Variants in ADCY2 observed in about 807,000 individuals in gnomAD.
The protein encoded by ADCY2 is adenylate cyclase 2.
In ADCY2, 31 loss-of-function variants were observed where a neutral mutation model predicts 125.2. The observed-to-expected ratio is 0.25, with a 90% CI of 0.19 to 0.33. The LOEUF (loss-of-function observed/expected upper bound fraction) is 0.33. ADCY2 is among the 10% of genes least tolerant of loss of function. The pLI is 1.00. For synonymous variants in ADCY2, 512 were observed against 548.4 expected (o/e 0.93, Z 0.93); for missense variants, 904 against 1,418.2 (o/e 0.64, Z 5.82).
At chr5:7,551,058 CTTCT>C (rs1341825093) in intron 3 of ADCY2, among the ~76,000 whole-genome samples, 2 of 140,826 alleles carry the variant, frequency 1.4e-5, no homozygotes, top group African/African-American at 5.2e-5. Flanking sequence ...TCCTTCCTTC[CTTCT>C]CTTTTTCCTT....
rs1739075893 is a variant in ADCY2 at position 7,396,997 on chromosome 5, T to A, written c.210+491T>A. Among the ~76,000 whole-genome samples, 1 of 152,222 alleles carries A rather than the reference T, an allele frequency of 6.6e-6. No homozygotes were observed. Among genetic ancestry groups the A allele is most frequent in the African/African-American group, 2.4e-5 (1 of 41,464 alleles). ...AGAAAGCCTGCCTTGGGAAAGTGGT[T>A]AATGACAAGGAAAATGAAGAAGAAA... is the stretch of plus-strand genomic sequence containing the variant. On this transcript the variant is annotated intron_variant, in intron 1 of 24. Coordinates refer to ENST00000338316, the MANE Select transcript of ADCY2 (RefSeq NM_020546.3). This position sits in a 1 kb window ranked among gnomAD's most constrained non-coding sequence, Gnocchi z 5.7.
At chr5:7,458,026 T>C (rs1741763262) in intron 2 of ADCY2, among the ~76,000 whole-genome samples, 1 of 152,194 alleles carries the variant, frequency 6.6e-6, no homozygotes, top group South Asian at 2.1e-4. Flanking sequence ...AATGTATTAT[T>C]CTAAATGATG....
intron 4 of ADCY2, among the ~76,000 whole-genome samples, chr5:7,672,237 A>G (rs1739960738): frequency 6.6e-6 from 1 of 152,250 alleles, no homozygotes; most frequent in African/African-American, 2.4e-5. Context: ...TGTAAAGTAC[A>G]ACATGTTAAG....
chr5:7,744,877 T>C (rs1340181456), intron 15 of ADCY2, among the ~76,000 whole-genome samples: 1 of 152,218 alleles, frequency 6.6e-6, no homozygotes, highest in East Asian at 1.9e-4. Context: ...CAGACTACAG[T>C]CTAGATATTT....
chr5:7,572,781 C>T (rs1736105679), intron 3 of ADCY2, among the ~76,000 whole-genome samples: 1 of 152,116 alleles, frequency 6.6e-6, no homozygotes, highest in Admixed American at 6.6e-5. Flanking sequence ...ACATTTAAGT[C>T]TTTATTCCAT....
chr5:7,736,888 G>T (rs1560924620), intron 14 of ADCY2, among the ~76,000 whole-genome samples: 1 of 151,962 alleles, frequency 6.6e-6, no homozygotes. Context: ...TTAATTGAAG[G>T]CCAATATAAT....
intron 16 of ADCY2, among the ~76,000 whole-genome samples, chr5:7,759,370 C>T (rs1743120076): frequency 6.6e-6 from 1 of 152,194 alleles, no homozygotes. Context: ...GCCTCCAGAG[C>T]AGCTAGTTCA....
intron 3 of ADCY2, among the ~76,000 whole-genome samples, chr5:7,619,771 C>T (rs1561128598): frequency 6.6e-6 from 1 of 152,116 alleles, no homozygotes; most frequent in African/African-American, 2.4e-5. Flanking sequence ...ATCTTCATGG[C>T]TTGTGTTGTT....
chr5:7,412,541 C>A lies in ADCY2; in HGVS notation c.211-2032C>A, dbSNP rs147804743. ...CTCGCAGCCTGGCAGACACCTAATA[C>A]CCTTTTGCAGCAATTGTAAACTGTG... On this transcript the variant is annotated intron_variant, in intron 1 of 24. Transcript: ENST00000338316. 2.9e-3 allele frequency among the ~76,000 whole-genome samples: 435 copies of A among 152,312 alleles called. 1 individual carries two copies. Among genetic ancestry groups the A allele is most frequent in the African/African-American group, 0.01 (420 of 41,568 alleles).
At chr5:7,766,136 AT>A (rs1327021092) in intron 16 of ADCY2, among the ~76,000 whole-genome samples, 1 of 152,064 alleles carries the variant, frequency 6.6e-6, no homozygotes, top group African/African-American at 2.4e-5. Context: ...ATCCTTTTAA[AT>A]TTTTCACCCC....
intron 2 of ADCY2, among the ~76,000 whole-genome samples, chr5:7,520,307 G>C (rs1744395293): frequency 2.0e-5 from 3 of 152,060 alleles, no homozygotes; most frequent in Admixed American, 6.6e-5. Context: ...AACTCCCCTT[G>C]ATGACACCTG....
At chr5:7,786,768 C>A (rs1744096943) in intron 19 of ADCY2, among the ~76,000 whole-genome samples, 1 of 152,146 alleles carries the variant, frequency 6.6e-6, no homozygotes, top group Non-Finnish European at 1.5e-5. Flanking sequence ...GTCTACATGA[C>A]CTCAAAATGA....
chr5:7,535,650 T>C (rs905284410), intron 3 of ADCY2, among the ~76,000 whole-genome samples: 2 of 152,212 alleles, frequency 1.3e-5, no homozygotes, highest in African/African-American at 4.8e-5. Flanking sequence ...GATCCATACA[T>C]GGATTTACAT....
rs57371459 is a variant in ADCY2 at position 7,629,325 on chromosome 5, A to AG, written c.720+3016dup. ...GCCGTCCCTCTTCACCCAGGATTGG[A>AG]GGGGGGGCACTGAAACTATTGGGAC... On this transcript the variant is annotated intron_variant, in intron 4 of 24. Coordinates refer to ENST00000338316, the MANE Select transcript of ADCY2 (RefSeq NM_020546.3). Among the ~76,000 whole-genome samples, 4 of 151,918 alleles carry AG rather than the reference A, an allele frequency of 2.6e-5. No individual in the cohort carries two copies. In the East Asian group the frequency reaches 7.7e-4, roughly 29 times the overall value.
chr5:7,634,903 A>T (rs1032997208), intron 4 of ADCY2, among the ~76,000 whole-genome samples: 2 of 152,202 alleles, frequency 1.3e-5, no homozygotes, highest in Non-Finnish European at 2.9e-5. Context: ...GAAGACCAAG[A>T]GGCCTATTGG....
At chr5:7,788,496 T>A (rs927932060) in intron 19 of ADCY2, among the ~76,000 whole-genome samples, 1 of 152,220 alleles carries the variant, frequency 6.6e-6, no homozygotes. Context: ...AAACAAACTT[T>A]TAAAATATCT....
chr5:7,629,067 T>C (rs758871941), intron 4 of ADCY2, among the ~76,000 whole-genome samples: 3 of 151,738 alleles, frequency 2.0e-5, no homozygotes, highest in Admixed American at 1.3e-4. Flanking sequence ...TCCTTCAAAG[T>C]TCTTCATTCC....
At chr5:7,481,173 A>T (rs1479008610) in intron 2 of ADCY2, among the ~76,000 whole-genome samples, 3 of 152,148 alleles carry the variant, frequency 2.0e-5, no homozygotes, top group Non-Finnish European at 4.4e-5. Flanking sequence ...GATAGTAGCC[A>T]TTTTAACTGG....
chr5:7,535,964 T>C (rs1396401506), intron 3 of ADCY2, among the ~76,000 whole-genome samples: 2 of 152,310 alleles, frequency 1.3e-5, no homozygotes, highest in African/African-American at 4.8e-5. Context: ...GATTTCCTAT[T>C]AATATGGAAT....
Sources: allele counts gnomAD v4.1 joint callset (sites outside exome capture counted in the v4.1 genomes callset), GRCh38; gene constraint gnomAD v4.1.1; non-coding constraint Gnocchi (gnomAD v3.1); transcripts MANE v1.5; gene names NCBI Gene and HGNC (gene_info 2026-07-23, HGNC 2026-07-21).